NRBP1: variants seen among roughly 807,000 people sequenced by gnomAD.
NRBP1 encodes nuclear receptor-binding protein.
NRBP1 carries 10 observed loss-of-function variants against 76.0 expected under a neutral mutation model. The ratio of observed to expected loss-of-function variants is 0.13; its 90% CI spans 0.08 to 0.22. The LOEUF is 0.22. Ranked by LOEUF, NRBP1 falls within the 10% of genes least tolerant of loss-of-function variation. The pLI is 1.00. For synonymous variants in NRBP1, 235 were observed against 240.2 expected (o/e 0.98, Z 0.20); for missense variants, 344 against 646.0 (o/e 0.53, Z 5.07).
rs1018990565 is a variant in NRBP1, at chr2:27,433,211, CTT to C, written c.-20-41_-20-40del. On this transcript the variant is annotated intron_variant, in intron 1 of 17. Transcript: ENST00000379852. ...CTAAATCTTTACAGATGTATCCTGA[CTT>C]TCTCTGCCTTTTCCCTCTGTATTTG... 4 of 1,393,870 alleles carry C rather than the reference CTT, an allele frequency of 2.9e-6. No homozygotes were observed. The African/African-American group carries it at 5.7e-5, about 20-fold the overall frequency. 86.3% of individuals were successfully genotyped at this position (1,393,870 alleles called of 1,614,324 possible).
In NRBP1 at chr2:27,435,899, G is replaced by A. The variant is rs1246066302; in HGVS notation, c.661+672G>A. 3.4e-5 allele frequency: 23 copies of A among 670,422 alleles called. 1 individual carries two copies. The highest frequency in any genetic ancestry group is 2.1e-4 in the South Asian group (13 of 62,404). The allele number at this position is 670,422 out of a possible 1,614,324, so 41.5% of individuals were successfully genotyped here. On this transcript the variant is annotated intron_variant, in intron 7 of 17. Transcript: ENST00000379852. ...TTAGCTTCTGCCCTGCCAGCCCTCC[G>A]CCTGCTTGCCCCTTCATAACCTGCT...
At chr2:27,436,434 T>G (rs1169020166) in intron 7 of NRBP1, 1 of 288,578 alleles carries the variant, frequency 3.5e-6, no homozygotes, top group Non-Finnish European at 6.6e-6. Flanking sequence ...GTGAACGCAG[T>G]ACAAGTGAAA....
At chr2:27,436,954 A>G (rs960334385) in intron 8 of NRBP1, 93 bp from the exon 9 acceptor site, 6 of 1,462,452 alleles carry the variant, frequency 4.1e-6, no homozygotes, top group East Asian at 2.3e-5. Context: ...CATACAAAAT[A>G]TTTTTCTTTT....
Position 27,433,915 on chromosome 2 carries a change from G to T in NRBP1, c.334-74G>T, listed in dbSNP as rs1664204929. ...TTGGGGTTAGATCGTTTCTGGGGAG[G>T]GATAGGGAATGGCTTCTCAGGATTA... is the stretch of plus-strand genomic sequence containing the variant. On this transcript the variant is annotated intron_variant, in intron 3 of 17. Transcript: ENST00000379852. 3.8e-6 allele frequency: 6 copies of T among 1,595,302 alleles called. No individual in the cohort carries two copies. In the Admixed American group the frequency reaches 5.0e-5, roughly 13 times the overall value.
At chr2:27,435,371 A>G (rs1664263355) in intron 7 of NRBP1, 144 bp downstream of exon 7, 2 of 649,296 alleles carry the variant, frequency 3.1e-6, no homozygotes, top group Non-Finnish European at 2.7e-6. Flanking sequence ...GGAGTAATTA[A>G]TAGGAGAGGC....
chr2:27,433,548 A>G (rs1664188535), intron 2 of NRBP1, 65 bp downstream of exon 2: 5 of 1,603,462 alleles, frequency 3.1e-6, no homozygotes, highest in Non-Finnish European at 4.3e-6. Flanking sequence ...TGGAAGAGCA[A>G]AGTCTTAAAA....
At chr2:27,438,902 T>A (rs1572693589) in intron 10 of NRBP1, among the ~76,000 whole-genome samples, 1 of 152,240 alleles carries the variant, frequency 6.6e-6, no homozygotes. Context: ...GAGGCAGCAG[T>A]GAGCTGTGAT....
rs1015848545 is a variant in NRBP1, at chr2:27,436,073, C to G, written c.662-680C>G. The G allele has an allele frequency of 1.9e-5, 9 of 461,654 alleles. No homozygotes were observed. The Admixed American group carries it at 3.1e-4, about 16-fold the overall frequency. The allele number at this position is 461,654 out of a possible 1,614,324, so 28.6% of individuals were successfully genotyped here. ...ATGATCTGAGTGAGTCCAAATTGGG[C>G]CTGGTCCTGGTTCCTCGTTCAGCTC... On this transcript the variant is annotated intron_variant, in intron 7 of 17. Transcript: ENST00000379852.
intron 14 of NRBP1, 62 bp from the exon 15 acceptor site, chr2:27,441,065 A>G (rs576242751): frequency 4.4e-6 from 7 of 1,608,950 alleles, no homozygotes; most frequent in Non-Finnish European, 5.9e-6. Context: ...GGCTCGAAAG[A>G]CGTCTAGGTA....
chr2:27,433,655 A>G lies in NRBP1; in HGVS notation c.211-18A>G, dbSNP rs1419468521. The stretch of plus-strand genomic sequence containing the variant: ...TGTGAGATAAGTTTAATTCTCTTTC[A>G]TATGAATTTCTTCTCAGGTGAATCA... On this transcript the variant is annotated intron_variant, in intron 2 of 17. Coordinates refer to ENST00000379852, the MANE Select transcript of NRBP1 (RefSeq NM_013392.4). The G allele has an allele frequency of 6.2e-7, 1 of 1,614,070 alleles. No homozygotes were observed.
Position 27,434,070 on chromosome 2 carries a change from A to G in NRBP1, c.415A>G (p.Ile139Val), listed in dbSNP as rs1296874066. ...TAAGTTTCACAAATATTGGGCTGAC[A>G]TTAAAGAGAACAAGGCCAGGGTAAG... ...IVKFHKYWAD[I>V]KENKARVIFI... The change falls in exon 4 of 18, where the codon ATT becomes GTT. Residue 139 changes from isoleucine to valine, a missense_variant. By Grantham distance (29) the Ile-to-Val change is conservative. Around this residue, in one of 3 missense-constraint regions of NRBP1, gnomAD observed 73 missense variants for 287.8 expected, o/e 0.25. Coordinates refer to ENST00000379852, the MANE Select transcript of NRBP1 (RefSeq NM_013392.4). The G allele has an allele frequency of 1.2e-6, 2 of 1,613,966 alleles. No individual in the cohort carries two copies. Among genetic ancestry groups the G allele is most frequent in the Non-Finnish European group, 1.7e-6 (2 of 1,179,832 alleles).
At chr2:27,430,614 C>T (rs1309954690) in intron 1 of NRBP1, among the ~76,000 whole-genome samples, 2 of 151,954 alleles carry the variant, frequency 1.3e-5, no homozygotes, top group Non-Finnish European at 2.9e-5. Flanking sequence ...GAATTATAGA[C>T]GTGCGCCACC....
In NRBP1 at chr2:27,439,812, C is replaced by A; in HGVS notation, c.950C>A (p.Thr317Lys). ...CLQSEPARRP[T>K]ARELLFHPAL... ...CAGTCTGAGCCTGCTCGCAGACCAA[C>A]AGCCAGAGAACTTCTGTTCCACCCA... is the stretch of plus-strand genomic sequence containing the variant. Residue 317 changes from threonine (T) to lysine (K), a missense_variant, in exon 11 of 18, where the codon ACA (threonine) becomes AAA (lysine). Coordinates refer to ENST00000379852, the MANE Select transcript of NRBP1 (RefSeq NM_013392.4). The A allele has an allele frequency of 6.2e-7, 1 of 1,614,102 alleles. No individual in the cohort carries two copies. Among genetic ancestry groups the A allele is most frequent in the Non-Finnish European group, 8.5e-7 (1 of 1,180,012 alleles).
In NRBP1 at chr2:27,439,995, C is replaced by CTTTTTTTTT. The variant is rs70953859; in HGVS notation, c.1036+125_1036+133dup. 69 of 459,776 alleles carry CTTTTTTTTT rather than the reference C, an allele frequency of 1.5e-4. 16 individuals carry two copies. Among genetic ancestry groups the CTTTTTTTTT allele is most frequent in the Admixed American group, 3.2e-4 (7 of 21,910 alleles). 28.5% of individuals were successfully genotyped at this position (459,776 alleles called of 1,614,324 possible). A position where few individuals can be genotyped will look rare whatever the true frequency, so the allele number is the denominator to read the frequency against. ...TTTCCTCTTTATTTCCAAAGGGATT[C>CTTTTTTTTT]TTTTTTTTTTTTTTTTTTTTTTTTT... On this transcript the variant is annotated intron_variant, in intron 11 of 17. Transcript: ENST00000379852.
In NRBP1 at chr2:27,441,941, G is replaced by GT. The variant is rs1451784332; in HGVS notation, c.*129_*130insT. The GT allele has an allele frequency of 1.5e-6, 1 of 654,192 alleles. No homozygotes were observed. The highest frequency in any genetic ancestry group is 1.8e-5 in the African/African-American group (1 of 55,390). The allele number at this position is 654,192 out of a possible 1,614,324, so 40.5% of individuals were successfully genotyped here. A position where few individuals can be genotyped will look rare whatever the true frequency, so the allele number is the denominator to read the frequency against. On this transcript the variant is annotated 3_prime_UTR_variant, in exon 18 of 18. Transcript: ENST00000379852. ...CCCTCCTTTATTATTCAGGAGGGCTGGGGGGGCTCCCTGGTTCTGAGCATC... is the reference window on the plus strand; with the variant it reads ...CCCTCCTTTATTATTCAGGAGGGCTGTGGGGGGCTCCCTGGTTCTGAGCATC...
intron 11 of NRBP1, chr2:27,440,168 T>C (rs1216657513): frequency 7.1e-6 from 4 of 565,080 alleles, no homozygotes; most frequent in Non-Finnish European, 1.2e-5. Context: ...TGTGCCACCA[T>C]GCCTGGGTAA....
chr2:27,431,592 G>A (rs973453774), intron 1 of NRBP1: 1 of 152,222 alleles, frequency 6.6e-6, no homozygotes, highest in African/African-American at 2.4e-5. Flanking sequence ...CACAGGAAAG[G>A]TGAGGTCATC....
At chr2:27,428,307 G>A (rs183530463), upstream of NRBP1, 587 of 207,814 alleles carry the variant, frequency 2.8e-3, 8 homozygotes, top group Non-Finnish European at 4.7e-3. Context: ...CGCTCCTTTT[G>A]TCTTTTCCAG....
intron 1 of NRBP1, among the ~76,000 whole-genome samples, chr2:27,430,181 A>G (rs1160973891): frequency 1.3e-5 from 2 of 152,072 alleles, no homozygotes; most frequent in Non-Finnish European, 2.9e-5. Flanking sequence ...TCTCTAGAAT[A>G]AGTCAGGATC....
Sources: gnomAD v4.1 joint callset for allele counts (sites outside exome capture counted in the v4.1 genomes callset) on GRCh38, gnomAD v4.1.1 for gene constraint, gnomAD v4.1.1 regional missense constraint, MANE v1.5 for transcripts, NCBI Gene and HGNC (gene_info 2026-07-23, HGNC 2026-07-21) for gene names.